ARIH1: variants seen among roughly 807,000 people sequenced by gnomAD.
The protein encoded by ARIH1 is ariadne RBR E3 ubiquitin protein ligase 1.
Under a neutral mutation model 85.0 loss-of-function variants are expected in ARIH1, and 8 were observed. The observed-to-expected ratio is 0.09, with a 90% CI of 0.06 to 0.17. ARIH1 has a LOEUF of 0.17. Among genes scored for constraint, ARIH1 ranks in the 10% least tolerant of loss-of-function variants. The pLI, the probability that ARIH1 is intolerant of heterozygous loss-of-function variation, is 1.00. For missense variants in ARIH1, 311 were observed against 718.1 expected, an observed-to-expected ratio of 0.43 and a Z score of 6.48; for synonymous variants, 238 against 253.6, an observed-to-expected ratio of 0.94 and a Z score of 0.59.
At chr15:72,489,326 CTATT>C (rs893545467) in intron 1 of ARIH1, among the ~76,000 whole-genome samples, 5 of 144,614 alleles carry the variant, frequency 3.5e-5, no homozygotes, top group Non-Finnish European at 7.6e-5. Flanking sequence ...AAGAACAAAA[CTATT>C]TAATAATAAC....
chr15:72,551,427 G>A (rs901684889), intron 3 of ARIH1, among the ~76,000 whole-genome samples: 2 of 152,078 alleles, frequency 1.3e-5, no homozygotes, highest in Admixed American at 6.6e-5. Flanking sequence ...TACAGAGGAG[G>A]CATTTCAAAT....
At chr15:72,511,313 C>CT (rs2063949760) in intron 1 of ARIH1, among the ~76,000 whole-genome samples, 2 of 151,692 alleles carry the variant, frequency 1.3e-5, no homozygotes, top group African/African-American at 4.8e-5. Context: ...TTCTTTCTTT[C>CT]TTTTTTGAGA....
rs2064311714 is a variant in ARIH1 at position 72,585,406 on chromosome 15, AAGG to A, written c.*2117_*2119del. The A allele has an allele frequency of 6.6e-6, 1 of 152,122 alleles. No homozygotes were observed. Among genetic ancestry groups the A allele is most frequent in the Non-Finnish European group, 1.5e-5 (1 of 68,034 alleles). The allele number at this position is 152,122 out of a possible 1,614,324, so 9.4% of individuals were successfully genotyped here. A position where few individuals can be genotyped will look rare whatever the true frequency, so the allele number is the denominator to read the frequency against. ...TCTTAAAAAGATATACATTAAAACT[AAGG>A]AGTTTTTTTAAAGAAAGCCTGAATA... On this transcript the variant is annotated 3_prime_UTR_variant, in exon 14 of 14. Transcript: ENST00000379887.
intron 1 of ARIH1, among the ~76,000 whole-genome samples, chr15:72,477,109 C>T (rs2063797982): frequency 6.6e-6 from 1 of 152,138 alleles, no homozygotes; most frequent in South Asian, 2.1e-4. Flanking sequence ...TACATACTAC[C>T]ACATTGCTTT....
At chr15:72,517,801 A>G (rs1457702225) in intron 1 of ARIH1, among the ~76,000 whole-genome samples, 1 of 152,054 alleles carries the variant, frequency 6.6e-6, no homozygotes, top group African/African-American at 2.4e-5. Context: ...ACAGCGCCGG[A>G]TTTACTATAG....
chr15:72,566,387 A>G, intron 7 of ARIH1, 176 bp from the exon 8 acceptor site: 1 of 608,198 alleles, frequency 1.6e-6, no homozygotes, highest in South Asian at 2.1e-5. Flanking sequence ...TGCTAGTTCT[A>G]CTACTAAATT....
chr15:72,525,752 A>C (rs762020391), intron 2 of ARIH1, among the ~76,000 whole-genome samples: 20 of 152,118 alleles, frequency 1.3e-4, no homozygotes, highest in South Asian at 2.1e-4. Context: ...GAAACATGGA[A>C]TGTAAGTAGT....
At chr15:72,555,644 GT>G (rs1231611178) in intron 4 of ARIH1, among the ~76,000 whole-genome samples, 1 of 152,152 alleles carries the variant, frequency 6.6e-6, no homozygotes, top group Admixed American at 6.6e-5. Context: ...AAAATTGTGT[GT>G]TTAAAAACCA....
chr15:72,593,742 C>T lies in ARIH1; in HGVS notation c.*10450C>T, dbSNP rs1480804400. 6.6e-6 allele frequency: 1 copy of T among 152,000 alleles called. No homozygotes were observed. Among genetic ancestry groups the T allele is most frequent in the Admixed American group, 6.6e-5 (1 of 15,262 alleles). 9.4% of individuals were successfully genotyped at this position (152,000 alleles called of 1,614,324 possible). On this transcript the variant is annotated 3_prime_UTR_variant, in exon 14 of 14. Coordinates refer to ENST00000379887, the MANE Select transcript of ARIH1 (RefSeq NM_005744.5). Reference sequence around the variant, plus strand: ...CTAGTAAGTCTTTAAATTAGTAAATCCTTCCTTTTTGTTATTTTTCAAGAT... The same window carrying T: ...CTAGTAAGTCTTTAAATTAGTAAATTCTTCCTTTTTGTTATTTTTCAAGAT...
rs1555490665 is a variant in ARIH1 at position 72,591,241 on chromosome 15, A to AAG, written c.*7950_*7951insGA. 3 of 149,080 alleles carry AAG rather than the reference A, an allele frequency of 2.0e-5. No individual in the cohort carries two copies. Among genetic ancestry groups the AAG allele is most frequent in the African/African-American group, 4.9e-5 (2 of 40,762 alleles). The allele number at this position is 149,080 out of a possible 1,614,324, so 9.2% of individuals were successfully genotyped here. Reference sequence around the variant, plus strand: ...TCTCAAAAAAAAAAAAAAAAAAAAAAAAGAAGAAGAAGAAGAAATACAAAA... The same window carrying AAG: ...TCTCAAAAAAAAAAAAAAAAAAAAAAAGAAGAAGAAGAAGAAGAAATACAAAA... On this transcript the variant is annotated 3_prime_UTR_variant, in exon 14 of 14. Coordinates refer to ENST00000379887, the MANE Select transcript of ARIH1 (RefSeq NM_005744.5).
chr15:72,514,709 A>G (rs1567343945), intron 1 of ARIH1, among the ~76,000 whole-genome samples: 1 of 150,110 alleles, frequency 6.7e-6, no homozygotes, highest in Non-Finnish European at 1.5e-5. Context: ...GTCTTAAAAA[A>G]AAAAAGAGGA....
At chr15:72,539,393 T>C (rs531945688) in intron 2 of ARIH1, among the ~76,000 whole-genome samples, 1 of 151,286 alleles carries the variant, frequency 6.6e-6, no homozygotes, top group African/African-American at 2.4e-5. Context: ...ACTCTTGAGA[T>C]GAGGGATCAG....
chr15:72,504,492 G>A (rs1163202668), intron 1 of ARIH1, among the ~76,000 whole-genome samples: 1 of 152,128 alleles, frequency 6.6e-6, no homozygotes, highest in Non-Finnish European at 1.5e-5. Context: ...GCTCTTAGCA[G>A]AGAGGGGAGC....
At chr15:72,573,652 A>G (rs2064258033) in intron 11 of ARIH1, among the ~76,000 whole-genome samples, 2 of 151,976 alleles carry the variant, frequency 1.3e-5, no homozygotes, top group South Asian at 2.1e-4. Flanking sequence ...ATTTAAGGGG[A>G]AAAAATCCCT....
rs535514784 is a variant in ARIH1 at position 72,568,374 on chromosome 15, GC to G, written c.1026+1198del. On this transcript the variant is annotated intron_variant, in intron 9 of 13. Transcript: ENST00000379887. ...CTGAAAAACTAATATTTAGAATAAG[GC>G]AATTATATTTTCACTAAATTGTTTA... 4.8e-3 allele frequency among the ~76,000 whole-genome samples: 730 copies of G among 152,170 alleles called. 7 individuals carry two copies. Among genetic ancestry groups the G allele is most frequent in the Non-Finnish European group, 9.0e-3 (609 of 67,990 alleles).
In ARIH1 at chr15:72,583,658, A is replaced by G. The variant is rs1484188135; in HGVS notation, c.*366A>G. On this transcript the variant is annotated 3_prime_UTR_variant, in exon 14 of 14. Transcript: ENST00000379887. ...TCCTTGACACTGCTTTTCATGTTCA[A>G]ACCAGCCATTTTGTTGTACTTTGGT... 1 of 170,638 alleles carries G rather than the reference A, an allele frequency of 5.9e-6. No individual in the cohort carries two copies. Among genetic ancestry groups the G allele is most frequent in the Non-Finnish European group, 1.3e-5 (1 of 79,592 alleles). The allele number at this position is 170,638 out of a possible 1,614,324, so 10.6% of individuals were successfully genotyped here.
intron 1 of ARIH1, among the ~76,000 whole-genome samples, chr15:72,501,597 G>GT (rs2063904211): frequency 6.6e-6 from 1 of 152,186 alleles, no homozygotes; most frequent in African/African-American, 2.4e-5. Flanking sequence ...TCACGCGAAT[G>GT]TTTTGCTTGT....
chr15:72,492,880 AAT>A (rs977236047), intron 1 of ARIH1, among the ~76,000 whole-genome samples: 1 of 152,210 alleles, frequency 6.6e-6, no homozygotes, highest in African/African-American at 2.4e-5. Context: ...AACATTAAGC[AAT>A]ATTTGAAGAT....
chr15:72,478,015 A>C lies in ARIH1; in HGVS notation c.375+3001A>C, dbSNP rs373136468. Among the ~76,000 whole-genome samples, 37 of 152,258 alleles carry C rather than the reference A, an allele frequency of 2.4e-4. No homozygotes were observed. The East Asian group carries it at 6.7e-3, about 28-fold the overall frequency. The stretch of plus-strand genomic sequence containing the variant: ...GTTACAGGGTTTCCCCATGTTCATC[A>C]TGCTGGTACTGAACTCCTGGCCTCA... On this transcript the variant is annotated intron_variant, in intron 1 of 13. Transcript: ENST00000379887.
Sources: allele counts gnomAD v4.1 joint callset (sites outside exome capture counted in the v4.1 genomes callset), GRCh38; gene constraint gnomAD v4.1.1; transcripts MANE v1.5; gene names NCBI Gene and HGNC (gene_info 2026-07-23, HGNC 2026-07-21).